CAPN9: variants seen among roughly 807,000 people sequenced by gnomAD.
The protein encoded by CAPN9 is calpain-9.
A neutral mutation model predicts 92.8 loss-of-function variants in CAPN9; 81 were observed. That is an observed-to-expected ratio of 0.87 (90% confidence interval 0.73 to 1.05). The LOEUF is 1.05. CAPN9 is among the 50% of genes least tolerant of loss of function. The pLI is 0.00. For missense variants in CAPN9, 848 were observed against 866.2 expected (o/e 0.98, Z 0.26); for synonymous variants, 304 against 328.0 (o/e 0.93, Z 0.79).
Position 230,792,498 on chromosome 1 carries a change from T to C in CAPN9, c.1791+4T>C. 2.5e-6 allele frequency: 4 copies of C among 1,612,382 alleles called. No individual in the cohort carries two copies. The highest frequency in any genetic ancestry group is 2.2e-5 in the South Asian group (2 of 91,046). On this transcript the variant is annotated splice_donor_region_variant and intron_variant, in intron 16 of 19. Transcript: ENST00000271971. Reference sequence around the variant, plus strand: ...GGACAAGCTGAAGCAGTGGATTGTATGTAACCTGGAGCAGGGCTTGGCCTC... The same window carrying C: ...GGACAAGCTGAAGCAGTGGATTGTACGTAACCTGGAGCAGGGCTTGGCCTC...
Position 230,755,380 on chromosome 1 carries a change from G to A in CAPN9, c.257G>A (p.Arg86Lys). The A allele has an allele frequency of 6.2e-7, 1 of 1,608,922 alleles. No individual in the cohort carries two copies. Among genetic ancestry groups the A allele is most frequent in the Non-Finnish European group, 8.5e-7 (1 of 1,177,944 alleles). Reference sequence around the variant, plus strand: ...GAATTCATTCTTGGAGGGGCCACCAGGACTGATATCTGCCAGGGAGAGCTG... The same window carrying A: ...GAATTCATTCTTGGAGGGGCCACCAAGACTGATATCTGCCAGGGAGAGCTG... ...NPEFILGGAT[R>K]TDICQGELGD... Residue 86 changes from arginine (R) to lysine (K), a missense_variant, in exon 2 of 20, where the codon AGG becomes AAG. Transcript: ENST00000271971.
chr1:230,780,957 C>T (rs867916386), intron 11 of CAPN9, among the ~76,000 whole-genome samples: 1 of 152,142 alleles, frequency 6.6e-6, no homozygotes, highest in Middle Eastern at 3.4e-3. Context: ...CCTCCACCTC[C>T]CAGGTTCAAG....
chr1:230,762,738 C>G lies in CAPN9; in HGVS notation c.488C>G (p.Ala163Gly). Residue 163 changes from alanine (A) to glycine (G), a missense_variant, in exon 4 of 20, where the codon GCC becomes GGC. Transcript: ENST00000271971. Reference protein sequence around the residue: ...FRDRLVFLHSADHNEFWSALL... With the variant: ...FRDRLVFLHSGDHNEFWSALL... ...GACCGCTTGGTTTTCCTCCACTCTG[C>G]CGACCACAACGAGTTCTGGAGCGCC... The G allele has an allele frequency of 1.9e-6, 3 of 1,614,118 alleles. No homozygotes were observed. The highest frequency in any genetic ancestry group is 2.5e-6 in the Non-Finnish European group (3 of 1,180,004).
At chr1:230,777,267 C>T (rs985199744) in intron 8 of CAPN9, among the ~76,000 whole-genome samples, 7 of 152,094 alleles carry the variant, frequency 4.6e-5, no homozygotes, top group Non-Finnish European at 5.9e-5. Context: ...CAAAGAAGAG[C>T]GTCCATGTGA....
At chr1:230,779,995 G>A (rs1400871756) in intron 9 of CAPN9, among the ~76,000 whole-genome samples, 184 bp from the exon 10 acceptor site, 1 of 152,076 alleles carries the variant, frequency 6.6e-6, no homozygotes, top group African/African-American at 2.4e-5. Context: ...TCAAAAGTAG[G>A]GTAGGAGGAC....
chr1:230,793,925 C>T (rs562362364), intron 17 of CAPN9, among the ~76,000 whole-genome samples: 7 of 152,242 alleles, frequency 4.6e-5, no homozygotes, highest in East Asian at 3.9e-4. Context: ...CCTACCCTGA[C>T]GTGGTGTGGG....
intron 17 of CAPN9, among the ~76,000 whole-genome samples, chr1:230,793,796 A>C (rs2102933885): frequency 6.6e-6 from 1 of 152,354 alleles, no homozygotes; most frequent in Admixed American, 6.5e-5. Context: ...GCAAAGTGCC[A>C]GGCTGAGAAG....
At chr1:230,800,309 A>C (rs545775489) in intron 19 of CAPN9, among the ~76,000 whole-genome samples, 1,281 of 75,614 alleles carry the variant, frequency 0.017, 74 homozygotes, top group Non-Finnish European at 0.02. Flanking sequence ...AAAGAAAGGA[A>C]AAACAAGAGA....
chr1:230,769,403 T>C (rs1385566015), intron 6 of CAPN9, 140 bp downstream of exon 6: 4 of 636,406 alleles, frequency 6.3e-6, no homozygotes, highest in African/African-American at 5.5e-5. Flanking sequence ...AGAGGCAGGC[T>C]GGAATTCAAA....
chr1:230,799,050 G>A (rs1668523417), intron 19 of CAPN9, among the ~76,000 whole-genome samples: 2 of 152,026 alleles, frequency 1.3e-5, no homozygotes, highest in Non-Finnish European at 2.9e-5. Flanking sequence ...TTTCTTTCCA[G>A]GTCTGCTTTC....
intron 1 of CAPN9, among the ~76,000 whole-genome samples, chr1:230,750,528 T>C (rs77856617): frequency 0.012 from 1,856 of 151,718 alleles, 22 homozygotes; most frequent in Non-Finnish European, 0.021. Context: ...TCTTGCAGCA[T>C]AGAGTCGCAG....
chr1:230,773,832 C>T (rs1666550487), intron 7 of CAPN9, among the ~76,000 whole-genome samples: 1 of 152,188 alleles, frequency 6.6e-6, no homozygotes, highest in African/African-American at 2.4e-5. Context: ...GGAGCTGCCA[C>T]GTTGGCTGTA....
At chr1:230,750,994 G>C (rs900698928) in intron 1 of CAPN9, among the ~76,000 whole-genome samples, 1 of 152,216 alleles carries the variant, frequency 6.6e-6, no homozygotes, top group Non-Finnish European at 1.5e-5. Flanking sequence ...CTCCCAGCCT[G>C]ATGGGGAACA....
chr1:230,793,660 C>T (rs1668157648), intron 17 of CAPN9, among the ~76,000 whole-genome samples: 1 of 152,224 alleles, frequency 6.6e-6, no homozygotes, highest in African/African-American at 2.4e-5. Context: ...AAGTGGTTCT[C>T]TCCCAGGGAA....
chr1:230,751,601 GAAAGAAAGAGAA>G (rs1205262460), intron 1 of CAPN9, among the ~76,000 whole-genome samples: 2 of 11,856 alleles, frequency 1.7e-4, no homozygotes, highest in South Asian at 1.9e-3. Context: ...AAGAAAGAAA[GAAAGAAAGAGAA>G]AGAAAGAAAG....
Position 230,780,665 on chromosome 1 carries a change from G to A in CAPN9, c.1438G>A (p.Asp480Asn). 1 of 1,614,134 alleles carries A rather than the reference G, an allele frequency of 6.2e-7. No individual in the cohort carries two copies. Among genetic ancestry groups the A allele is most frequent in the Non-Finnish European group, 8.5e-7 (1 of 1,180,012 alleles). ...CACTTTTGAGCCCCACCAGGAAGCT[G>A]ATTTCTGTCTGAGAATCTTTTCAGA... ...PSTFEPHQEA[D>N]FCLRIFSEKK... Residue 480 changes from aspartate to asparagine, a missense_variant, in exon 11 of 20, where the codon GAT becomes AAT. Transcript: ENST00000271971.
intron 4 of CAPN9, 143 bp downstream of exon 4, chr1:230,762,929 T>G (rs1448012270): frequency 4.2e-5 from 35 of 835,348 alleles, no homozygotes; most frequent in Non-Finnish European, 6.2e-5. Context: ...CTCTCAGGGC[T>G]CAAGCGGGGT....
intron 4 of CAPN9, among the ~76,000 whole-genome samples, chr1:230,763,748 C>T (rs1665790910): frequency 6.6e-6 from 1 of 152,234 alleles, no homozygotes; most frequent in Non-Finnish European, 1.5e-5. Context: ...GGGAGGCATA[C>T]TGTGGTTAAA....
chr1:230,794,166 T>A (rs1445755251), intron 17 of CAPN9, among the ~76,000 whole-genome samples: 1 of 152,054 alleles, frequency 6.6e-6, no homozygotes, highest in Admixed American at 6.6e-5. Context: ...GGGAAAGAAA[T>A]CACTTCTAAG....
Sources: gnomAD v4.1 joint callset for allele counts (sites outside exome capture counted in the v4.1 genomes callset) on GRCh38, gnomAD v4.1.1 for gene constraint, MANE v1.5 for transcripts, NCBI Gene and HGNC (gene_info 2026-07-23, HGNC 2026-07-21) for gene names.